ABCG1: variants seen among roughly 807,000 people sequenced by gnomAD.
ABCG1 encodes ATP-binding cassette sub-family G member 1.
Under a neutral mutation model 69.2 loss-of-function variants are expected in ABCG1, and 29 were observed. The ratio of observed to expected loss-of-function variants is 0.42; its 90% confidence interval spans 0.31 to 0.57. The LOEUF is 0.57. ABCG1 is among the 20% of genes least tolerant of loss of function. The pLI is 0.15. For missense variants in ABCG1, 718 were observed against 898.1 expected, an observed-to-expected ratio of 0.80 and a Z score of 2.56; for synonymous variants, 370 against 374.8, an observed-to-expected ratio of 0.99 and a Z score of 0.15.
chr21:42,247,511 G>A (rs2068151424), intron 2 of ABCG1, among the ~76,000 whole-genome samples: 1 of 152,182 alleles, frequency 6.6e-6, no homozygotes, highest in Non-Finnish European at 1.5e-5. Context: ...GTATGGTGAT[G>A]GGCAGTCTTG....
intron 2 of ABCG1, among the ~76,000 whole-genome samples, chr21:42,256,832 C>A (rs1245043624): frequency 1.3e-5 from 2 of 152,218 alleles, no homozygotes; most frequent in Non-Finnish European, 2.9e-5. Context: ...TCCCCAGGCT[C>A]CAGGACCCAG....
At chr21:42,263,943 G>A (rs756636606) in intron 2 of ABCG1, among the ~76,000 whole-genome samples, 10 of 152,192 alleles carry the variant, frequency 6.6e-5, no homozygotes, top group Admixed American at 2.6e-4. Flanking sequence ...TGAGTGCCAC[G>A]AACATTTCCT....
At chr21:42,213,750 T>G (rs2067611874), upstream of ABCG1, among the ~76,000 whole-genome samples, 2 of 152,246 alleles carry the variant, frequency 1.3e-5, no homozygotes. Flanking sequence ...TTTGCCCTGT[T>G]GGGTTTTGGA....
intron 2 of ABCG1, among the ~76,000 whole-genome samples, chr21:42,252,883 G>A (rs1031852627): frequency 6.6e-6 from 1 of 152,140 alleles, no homozygotes; most frequent in Non-Finnish European, 1.5e-5. Context: ...CCCCGCCCAG[G>A]TGGTGTTGGG....
intron 2 of ABCG1, among the ~76,000 whole-genome samples, chr21:42,249,851 A>G (rs898538614): frequency 6.6e-6 from 1 of 152,022 alleles, no homozygotes; most frequent in Non-Finnish European, 1.5e-5. Context: ...CTAAAAATAC[A>G]AAAATTAGCC....
chr21:42,259,557 A>T, intron 2 of ABCG1: 1 of 1,504,284 alleles, frequency 6.6e-7, no homozygotes, highest in Non-Finnish European at 8.9e-7. Context: ...CCCTCAGGCT[A>T]TGGAGGCAAA....
At position 42,273,737 on chromosome 21, in the gene ABCG1, C is replaced by G. The variant is rs2123740440; in HGVS notation, c.537+302C>G. ...GCTTGGGTGATCCTCTCCAGGGCAG[C>G]CACCATACTATTTCTCCTGCAGGCC... On this transcript the variant is annotated intron_variant, in intron 4 of 14. Transcript: ENST00000398449. The surrounding 1 kb of genome is among the most constrained non-coding windows in gnomAD (Gnocchi z 5.3). Among the ~76,000 whole-genome samples the G allele has an allele frequency of 6.6e-6, 1 of 152,270 alleles. No homozygotes were observed. The highest frequency in any genetic ancestry group is 2.1e-4 in the South Asian group (1 of 4,824).
intron 2 of ABCG1, among the ~76,000 whole-genome samples, chr21:42,236,721 CA>C (rs2067983239): frequency 1.3e-5 from 2 of 152,154 alleles, no homozygotes; most frequent in African/African-American, 4.8e-5. Flanking sequence ...ACTAAGCCAA[CA>C]GGGGCACACA....
chr21:42,292,722 A>G (rs796994757), intron 13 of ABCG1, among the ~76,000 whole-genome samples: 33 of 145,946 alleles, frequency 2.3e-4, no homozygotes, highest in African/African-American at 8.1e-4. Context: ...TACACACTAC[A>G]CACCACACAC....
upstream of ABCG1, among the ~76,000 whole-genome samples, chr21:42,217,420 T>C (rs926423753): frequency 2.0e-5 from 3 of 152,094 alleles, no homozygotes; most frequent in African/African-American, 4.8e-5. Flanking sequence ...TGGAGCGAGA[T>C]GGGTCCCAGG....
chr21:42,257,809 T>A (rs780835448), intron 2 of ABCG1, among the ~76,000 whole-genome samples: 5 of 152,200 alleles, frequency 3.3e-5, no homozygotes, highest in Non-Finnish European at 7.3e-5. Context: ...AAGGCGTTCT[T>A]CAGGAACAGA....
In ABCG1 at chr21:42,291,961, C is replaced by T; in HGVS notation, c.1653+305C>T. Reference sequence around the variant, plus strand: ...TAGGTGCTGTGCTGGCCCCATTTTACATAGGGGAGCACTGAGGCCCAGAGA... The same window carrying T: ...TAGGTGCTGTGCTGGCCCCATTTTATATAGGGGAGCACTGAGGCCCAGAGA... On this transcript the variant is annotated intron_variant, in intron 13 of 14. Transcript: ENST00000398449. This position sits in a 1 kb window ranked among gnomAD's most constrained non-coding sequence, Gnocchi z 6.4. Among the ~76,000 whole-genome samples the T allele has an allele frequency of 6.6e-6, 1 of 152,176 alleles. No homozygotes were observed. Among genetic ancestry groups the T allele is most frequent in the East Asian group, 1.9e-4 (1 of 5,202 alleles).
intron 2 of ABCG1, among the ~76,000 whole-genome samples, chr21:42,205,699 CA>C: frequency 6.6e-6 from 1 of 151,554 alleles, no homozygotes; most frequent in East Asian, 1.9e-4. Flanking sequence ...TTTTCAATTA[CA>C]TTGATTTCTG....
chr21:42,253,008 G>A (rs571552932), intron 2 of ABCG1, among the ~76,000 whole-genome samples: 16 of 152,126 alleles, frequency 1.1e-4, no homozygotes, highest in Admixed American at 3.9e-4. Flanking sequence ...GGAGAGACTC[G>A]CCTTCCCAGT....
intron 2 of ABCG1, among the ~76,000 whole-genome samples, chr21:42,203,824 G>T (rs1440681776): frequency 3.9e-5 from 6 of 152,178 alleles, no homozygotes; most frequent in Admixed American, 2.6e-4. Flanking sequence ...CATTAAACAT[G>T]CATATTTTGT....
chr21:42,261,046 C>T (rs1019770439), intron 2 of ABCG1, among the ~76,000 whole-genome samples: 6 of 152,188 alleles, frequency 3.9e-5, no homozygotes, highest in African/African-American at 1.4e-4. Flanking sequence ...TGGTCTCGAT[C>T]TCCTGACCTT....
At position 42,219,828 on chromosome 21, in the gene ABCG1, G is replaced by A. The variant is rs2067692557; in HGVS notation, c.42+524G>A. The A allele has an allele frequency of 6.8e-7, 1 of 1,467,434 alleles. No homozygotes were observed. 90.9% of individuals were successfully genotyped at this position (1,467,434 alleles called of 1,614,324 possible). On this transcript the variant is annotated intron_variant, in intron 1 of 14. Coordinates refer to ENST00000398449, the MANE Select transcript of ABCG1 (RefSeq NM_016818.3). This position sits in a 1 kb window ranked among gnomAD's most constrained non-coding sequence, Gnocchi z 5.3. ...CTGCCCCCAGAGAGCCGGAGCCTGC[G>A]ACTGCACTCCCGGGGACACCCTCTC...
At position 42,273,791 on chromosome 21, in the gene ABCG1, T is replaced by C. The variant is rs138916053; in HGVS notation, c.537+356T>C. 6.6e-6 allele frequency among the ~76,000 whole-genome samples: 1 copy of C among 152,212 alleles called. No homozygotes were observed. The highest frequency in any genetic ancestry group is 2.4e-5 in the African/African-American group (1 of 41,462). ...GCTTGGGATTCTCCTTCCTGTCAGC[T>C]ATCCTTGAGTCTTTCCGTGTCTTTG... On this transcript the variant is annotated intron_variant, in intron 4 of 14. Transcript: ENST00000398449. This position sits in a 1 kb window ranked among gnomAD's most constrained non-coding sequence, Gnocchi z 5.3.
At chr21:42,290,995 G>A in intron 11 of ABCG1, 97 bp from the exon 12 acceptor site, 1 of 887,556 alleles carries the variant, frequency 1.1e-6, no homozygotes, top group South Asian at 1.5e-5. Context: ...CCAGAGCTGG[G>A]TTACCAGCCG....
Sources: allele counts gnomAD v4.1 joint callset (sites outside exome capture counted in the v4.1 genomes callset), GRCh38; gene constraint gnomAD v4.1.1; non-coding constraint Gnocchi (gnomAD v3.1); transcripts MANE v1.5; gene names NCBI Gene and HGNC (gene_info 2026-07-23, HGNC 2026-07-21).